SLFN14: variants seen among roughly 807,000 people sequenced by gnomAD.
SLFN14 encodes the protein schlafen family member 14, also known as protein SLFN14.
In SLFN14, 47 loss-of-function variants were observed where a neutral mutation model predicts 58.6. The ratio of observed to expected loss-of-function variants is 0.80; its 90% confidence interval spans 0.64 to 1.02. The LOEUF is 1.02. Ranked by LOEUF, SLFN14 falls within the 50% of genes least tolerant of loss-of-function variation. The probability of loss-of-function intolerance (pLI) is 0.00; values close to 1 mark genes in which losing one functional copy is unlikely to be tolerated. For synonymous variants in SLFN14, 390 were observed against 387.3 expected (o/e 1.01, Z -0.08); for missense variants, 967 against 1,078.4 (o/e 0.90, Z 1.45).
intron 5 of SLFN14, among the ~76,000 whole-genome samples, chr17:35,551,630 G>A (rs183570123): frequency 7.2e-5 from 11 of 152,226 alleles, no homozygotes; most frequent in Admixed American, 6.5e-4. Flanking sequence ...GACATGGAAC[G>A]GGTCTCTGAC....
At chr17:35,555,492 C>T (rs1360210308) in intron 3 of SLFN14, among the ~76,000 whole-genome samples, 2 of 151,198 alleles carry the variant, frequency 1.3e-5, no homozygotes, top group Non-Finnish European at 2.9e-5. Flanking sequence ...GCGGAGGCTG[C>T]AGTGAGCTGA....
chr17:35,548,087 G>C lies in SLFN14; in HGVS notation c.*152C>G. On this transcript the variant is annotated 3_prime_UTR_variant, in exon 6 of 6. Coordinates refer to ENST00000674182, the MANE Select transcript of SLFN14 (RefSeq NM_001129820.2). ...AGGCCAGTGGCATTGAAATAGAGTG[G>C]AAGGCTCAGCTCCAAGAGACATTTC... The C allele has an allele frequency of 1.4e-6, 1 of 733,420 alleles. No individual in the cohort carries two copies. Among genetic ancestry groups the C allele is most frequent in the Non-Finnish European group, 2.2e-6 (1 of 458,842 alleles). 45.4% of individuals were successfully genotyped at this position (733,420 alleles called of 1,614,324 possible). A position where few individuals can be genotyped will look rare whatever the true frequency, so the allele number is the denominator to read the frequency against.
intron 3 of SLFN14, 149 bp from the exon 4 acceptor site, chr17:35,554,853 C>T: frequency 2.0e-6 from 1 of 510,680 alleles, no homozygotes; most frequent in East Asian, 3.7e-5. Context: ...TCAGACAGCT[C>T]ACGTATGTCA....
At chr17:35,556,095 T>C (rs1218655093) in intron 3 of SLFN14, among the ~76,000 whole-genome samples, 1 of 152,132 alleles carries the variant, frequency 6.6e-6, no homozygotes, top group Non-Finnish European at 1.5e-5. Context: ...TGGAGTGCAG[T>C]GGAGTGATCT....
chr17:35,554,446 G>A (rs2072629894), intron 4 of SLFN14, 130 bp downstream of exon 4: 1 of 351,226 alleles, frequency 2.8e-6, no homozygotes, highest in South Asian at 1.2e-4. Context: ...CAAATTTCAG[G>A]ATCATTATGT....
intron 5 of SLFN14, among the ~76,000 whole-genome samples, chr17:35,550,109 T>A (rs1253226304): frequency 6.6e-6 from 1 of 152,208 alleles, no homozygotes; most frequent in African/African-American, 2.4e-5. Flanking sequence ...GGTTCTCTGG[T>A]GTCTCCATGT....
In SLFN14 at chr17:35,557,872, A is replaced by G. The variant is rs1435128836; in HGVS notation, c.191T>C (p.Ile64Thr). 4.5e-6 allele frequency: 7 copies of G among 1,551,540 alleles called. No individual in the cohort carries two copies. Among genetic ancestry groups the G allele is most frequent in the South Asian group, 2.4e-5 (2 of 84,066 alleles). Residue 64 changes from isoleucine (I) to threonine (T), a missense_variant, in exon 3 of 6, where the codon ATT becomes ACT. Ile to Thr is a moderately conservative substitution (Grantham distance 89). Transcript: ENST00000674182. ...TTGGTAACTATAGGTTTTATCATCA[A>G]TCTCTGCTTTGATCACACCACCTCC... ...NSGGGVIKAE[I>T]DDKTYSYQCH... is the part of the protein sequence containing the mutation.
In SLFN14 at chr17:35,549,091, A is replaced by T. The variant is rs1413191363; in HGVS notation, c.1905-18T>A. 6.5e-7 allele frequency: 1 copy of T among 1,542,798 alleles called. No individual in the cohort carries two copies. Among genetic ancestry groups the T allele is most frequent in the Non-Finnish European group, 8.8e-7 (1 of 1,141,004 alleles). ...TTTGTTGGCTGTAAGGACGGAAAAA[A>T]CAGGGCTTGAGGCATATCAACAAAG... On this transcript the variant is annotated intron_variant, in intron 5 of 5. Coordinates refer to ENST00000674182, the MANE Select transcript of SLFN14 (RefSeq NM_001129820.2).
chr17:35,552,669 T>TA, intron 5 of SLFN14, 61 bp downstream of exon 5: 1 of 917,814 alleles, frequency 1.1e-6, no homozygotes, highest in East Asian at 2.8e-5. Context: ...TACACATATA[T>TA]ATACACATAT....
At chr17:35,552,185 G>A (rs1419560045) in intron 5 of SLFN14, among the ~76,000 whole-genome samples, 3 of 151,900 alleles carry the variant, frequency 2.0e-5, no homozygotes, top group Non-Finnish European at 2.9e-5. Context: ...CCCCTACTAC[G>A]CCCCAATTCA....
At chr17:35,554,929 G>A (rs1481573130) in intron 3 of SLFN14, among the ~76,000 whole-genome samples, 3 of 151,912 alleles carry the variant, frequency 2.0e-5, no homozygotes, top group Admixed American at 6.6e-5. Flanking sequence ...TGTGTGACTC[G>A]GCTTGAGCAA....
chr17:35,548,911 A>T lies in SLFN14; in HGVS notation c.2067T>A (p.Thr689=). 1 of 1,551,762 alleles carries T rather than the reference A, an allele frequency of 6.4e-7. No homozygotes were observed. The change falls in exon 6 of 6, where the codon ACT becomes ACA. Residue 689 remains threonine (T), a synonymous_variant. Transcript: ENST00000674182. ...KNITHPKAKG[T]GSENLHHGIL... Reference sequence around the variant, plus strand: ...TCCCATGGTGAAGGTTTTCACTTCCAGTCCCCTTCGCCTTTGGATGGGTGA... The same window carrying T: ...TCCCATGGTGAAGGTTTTCACTTCCTGTCCCCTTCGCCTTTGGATGGGTGA...
chr17:35,548,243 T>A lies in SLFN14; in HGVS notation c.2735A>T (p.Tyr912Phe), dbSNP rs8073060. The part of the protein sequence containing the change: ...LYLLYEKRAA[Y>F] ...CTCTATTATTTGTAATAATTTTCAG[T>A]AGGCTGCCCTCTTTTCATAAAGCAG... Residue 912 changes from tyrosine to phenylalanine, a missense_variant, in exon 6 of 6, where the codon TAC (tyrosine) becomes TTC (phenylalanine). Tyr to Phe is a conservative substitution (Grantham distance 22, BLOSUM62 3). Coordinates refer to ENST00000674182, the MANE Select transcript of SLFN14 (RefSeq NM_001129820.2). 470,932 of 1,548,762 alleles carry A rather than the reference T, an allele frequency of 0.3. 74,475 individuals are homozygous for A. The highest frequency in any genetic ancestry group is 0.46 in the African/African-American group (33,275 of 72,864).
intron 4 of SLFN14, 48 bp from the exon 5 acceptor site, chr17:35,553,492 G>GT: frequency 7.1e-7 from 1 of 1,406,422 alleles, no homozygotes; most frequent in East Asian, 2.5e-5. Flanking sequence ...AAAGCATGTG[G>GT]TAAGTATTCC....
In SLFN14 at chr17:35,553,275, ATTCTG is replaced by A; in HGVS notation, c.1354_1358del (p.Gln452CysfsTer4). On this transcript the variant is annotated frameshift_variant, in exon 5 of 6. Coordinates refer to ENST00000674182, the MANE Select transcript of SLFN14 (RefSeq NM_001129820.2). LOFTEE classifies it high-confidence loss of function. ...CTATCAGGAGAGCATCACACAGGACATTCTGTTCTTTCCTGAAGCCAACATCACCA... is the reference window on the plus strand; with the variant it reads ...CTATCAGGAGAGCATCACACAGGACATTCTTTCCTGAAGCCAACATCACCA... The A allele has an allele frequency of 6.4e-7, 1 of 1,551,688 alleles. No homozygotes were observed. The highest frequency in any genetic ancestry group is 8.7e-7 in the Non-Finnish European group (1 of 1,146,988).
chr17:35,552,258 A>AG (rs919411344), intron 5 of SLFN14, among the ~76,000 whole-genome samples: 1 of 152,060 alleles, frequency 6.6e-6, no homozygotes, highest in Non-Finnish European at 1.5e-5. Context: ...TTTCCTGTTG[A>AG]GGGGGGCACT....
At chr17:35,549,979 A>G (rs1472249955) in intron 5 of SLFN14, among the ~76,000 whole-genome samples, 1 of 152,236 alleles carries the variant, frequency 6.6e-6, no homozygotes, top group Non-Finnish European at 1.5e-5. Flanking sequence ...AACTTAATAA[A>G]GAACGTAGTC....
At chr17:35,555,939 T>C (rs2072648483) in intron 3 of SLFN14, among the ~76,000 whole-genome samples, 1 of 152,196 alleles carries the variant, frequency 6.6e-6, no homozygotes, top group Admixed American at 6.5e-5. Context: ...TTAAGGTTAT[T>C]AGCTCCTAAT....
At chr17:35,551,922 A>G (rs1021992820) in intron 5 of SLFN14, among the ~76,000 whole-genome samples, 1 of 152,150 alleles carries the variant, frequency 6.6e-6, no homozygotes, top group African/African-American at 2.4e-5. Context: ...TCTAGCAGCT[A>G]TAATATTGTT....
Sources: allele counts gnomAD v4.1 joint callset (sites outside exome capture counted in the v4.1 genomes callset), GRCh38; gene constraint gnomAD v4.1.1; transcripts MANE v1.5; gene names NCBI Gene and HGNC (gene_info 2026-07-23, HGNC 2026-07-21).